Variants in CDH18 observed in about 807,000 individuals in gnomAD.
The protein encoded by CDH18 is cadherin 18.
Under a neutral mutation model 67.9 loss-of-function variants are expected in CDH18, and 31 were observed. That is an observed-to-expected ratio of 0.46 (90% CI 0.34 to 0.62). The LOEUF (loss-of-function observed/expected upper bound fraction) is 0.62, where lower values mean the gene tolerates loss of function less well. Among genes scored for constraint, CDH18 ranks in the 20% least tolerant of loss-of-function variants. CDH18 has a pLI of 0.01. For missense variants in CDH18, 890 were observed against 975.5 expected (o/e 0.91, Z 1.17); for synonymous variants, 362 against 347.2 (o/e 1.04, Z -0.48).
rs569440572 is a variant in CDH18, at chr5:20,486,434, T to C, written c.-580+89028A>G. 1.1e-4 allele frequency among the ~76,000 whole-genome samples: 17 copies of C among 152,172 alleles called. No individual in the cohort carries two copies. In the East Asian group the frequency reaches 3.3e-3, roughly 29 times the overall value. ...TATATTATATACATTTTACTCTATC[T>C]TGTTTCTCTTATTTCATAGGCATGT... is the stretch of plus-strand genomic sequence containing the variant. On this transcript the variant is annotated intron_variant, in intron 1 of 14. Transcript: ENST00000507958.
At chr5:20,162,799 C>G (rs1054157329) in intron 2 of CDH18, among the ~76,000 whole-genome samples, 1 of 151,852 alleles carries the variant, frequency 6.6e-6, no homozygotes, top group Non-Finnish European at 1.5e-5. Flanking sequence ...TGGCTCACAT[C>G]TGTAATCCCA....
intron 1 of CDH18, among the ~76,000 whole-genome samples, chr5:20,345,106 T>C (rs1046541014): frequency 1.4e-4 from 21 of 152,160 alleles, no homozygotes; most frequent in Non-Finnish European, 2.2e-4. Context: ...TCAGTGAATA[T>C]TGAAACACTT....
chr5:19,513,953 C>A (rs575499470), intron 10 of CDH18, among the ~76,000 whole-genome samples: 1 of 151,990 alleles, frequency 6.6e-6, no homozygotes, highest in Non-Finnish European at 1.5e-5. Context: ...CCCATTAATT[C>A]GTCATTTACA....
chr5:19,685,831 C>T (rs919631580), intron 5 of CDH18, among the ~76,000 whole-genome samples: 18 of 152,060 alleles, frequency 1.2e-4, no homozygotes, highest in Admixed American at 1.2e-3. Context: ...ACAAATCGAC[C>T]AATGGAAGCA....
chr5:20,095,815 A>T (rs1433369108), intron 2 of CDH18, among the ~76,000 whole-genome samples: 1 of 152,002 alleles, frequency 6.6e-6, no homozygotes, highest in Non-Finnish European at 1.5e-5. Context: ...AAAACTGACC[A>T]GAAAACAGAA....
At position 20,117,193 on chromosome 5, in the gene CDH18, A is replaced by G. The variant is rs146655660; in HGVS notation, c.-517-125179T>C. 4.0e-3 allele frequency among the ~76,000 whole-genome samples: 615 copies of G among 152,300 alleles called. 3 individuals are homozygous for G. The highest frequency in any genetic ancestry group is 0.012 in the South Asian group (56 of 4,830). On this transcript the variant is annotated intron_variant, in intron 2 of 14. Coordinates refer to the CDH18 transcript ENST00000507958. ...ATAAATATCTATCACTGGGGCCATCAGTTCATAATTCTTCCAAATAGGCTT... is the reference window on the plus strand; with the variant it reads ...ATAAATATCTATCACTGGGGCCATCGGTTCATAATTCTTCCAAATAGGCTT...
At chr5:19,877,200 TA>T (rs1787107875) in intron 2 of CDH18, among the ~76,000 whole-genome samples, 2 of 152,082 alleles carry the variant, frequency 1.3e-5, no homozygotes, top group South Asian at 2.1e-4. Context: ...TCATTTTGGC[TA>T]AAAACTTTCA....
intron 10 of CDH18, among the ~76,000 whole-genome samples, chr5:19,519,171 C>G (rs908052700): frequency 8.5e-5 from 13 of 152,070 alleles, no homozygotes; most frequent in African/African-American, 2.9e-4. Context: ...CTTAAATAAG[C>G]CCTTTTAAAT....
chr5:20,218,313 C>T (rs1055175417), intron 2 of CDH18, among the ~76,000 whole-genome samples: 1 of 151,902 alleles, frequency 6.6e-6, no homozygotes, highest in Non-Finnish European at 1.5e-5. Flanking sequence ...ATAATTTCAA[C>T]TATCTTCTTT....
intron 2 of CDH18, among the ~76,000 whole-genome samples, chr5:19,970,143 T>C (rs13157919): frequency 0.59 from 90,084 of 151,416 alleles, 27,109 homozygotes; most frequent in Middle Eastern, 0.74. Context: ...AAACACCTAC[T>C]GCTCCAGGGC....
At chr5:20,290,732 C>T (rs1394358535) in intron 1 of CDH18, among the ~76,000 whole-genome samples, 1 of 152,076 alleles carries the variant, frequency 6.6e-6, no homozygotes, top group African/African-American at 2.4e-5. Context: ...GGAAGCATGG[C>T]TCATTTGGAA....
chr5:19,909,699 A>G (rs1579544309), intron 2 of CDH18, among the ~76,000 whole-genome samples: 1 of 152,158 alleles, frequency 6.6e-6, no homozygotes, highest in Non-Finnish European at 1.5e-5. Context: ...TGGCAAAAAA[A>G]AAAATCTATA....
intron 12 of CDH18, among the ~76,000 whole-genome samples, chr5:19,482,504 T>C (rs961568852): frequency 1.6e-4 from 24 of 152,350 alleles, no homozygotes; most frequent in African/African-American, 5.8e-4. Context: ...AGTATGTTAA[T>C]AACTAGCTAA....
At chr5:19,619,893 T>C (rs1414924021) in intron 5 of CDH18, among the ~76,000 whole-genome samples, 2 of 152,216 alleles carry the variant, frequency 1.3e-5, no homozygotes, top group East Asian at 1.9e-4. Flanking sequence ...GAAAAATATA[T>C]ATGAAATTAT....
At chr5:19,859,047 A>T (rs1452920785) in intron 2 of CDH18, among the ~76,000 whole-genome samples, 15 of 152,170 alleles carry the variant, frequency 9.9e-5, no homozygotes, top group Non-Finnish European at 2.2e-4. Context: ...ATGAGTTTAC[A>T]GAAAAGTATA....
intron 11 of CDH18, among the ~76,000 whole-genome samples, chr5:19,492,438 T>A (rs1273297189): frequency 6.6e-6 from 1 of 152,166 alleles, no homozygotes; most frequent in African/African-American, 2.4e-5. Flanking sequence ...AGTAATAATA[T>A]GGCCATAGTT....
intron 1 of CDH18, among the ~76,000 whole-genome samples, chr5:20,531,416 C>A: frequency 6.6e-6 from 1 of 152,018 alleles, no homozygotes; most frequent in South Asian, 2.1e-4. Context: ...ATAAATCATT[C>A]CACTATAAAA....
intron 2 of CDH18, among the ~76,000 whole-genome samples, chr5:20,071,530 G>GA (rs1743479923): frequency 6.6e-6 from 1 of 151,968 alleles, no homozygotes; most frequent in Non-Finnish European, 1.5e-5. Context: ...CTTTAATTCT[G>GA]AAGGGACAGC....
At chr5:19,906,414 T>C (rs568835520) in intron 2 of CDH18, among the ~76,000 whole-genome samples, 4 of 152,126 alleles carry the variant, frequency 2.6e-5, no homozygotes, top group Non-Finnish European at 5.9e-5. Context: ...ACTGGATCTA[T>C]ATCTATTTTT....
Sources: gnomAD v4.1 joint callset for allele counts (sites outside exome capture counted in the v4.1 genomes callset) on GRCh38, gnomAD v4.1.1 for gene constraint, MANE v1.5 for transcripts, NCBI Gene and HGNC (gene_info 2026-07-23, HGNC 2026-07-21) for gene names.